ATF7: variants seen among roughly 807,000 people sequenced by gnomAD.
ATF7 encodes cyclic AMP-dependent transcription factor ATF-7.
ATF7 carries 10 observed loss-of-function variants against 50.4 expected under a neutral mutation model. That is an observed-to-expected ratio of 0.20 (90% CI 0.12 to 0.34). The LOEUF is 0.34. ATF7 is among the 10% of genes least tolerant of loss of function. ATF7 has a pLI of 1.00. For missense variants in ATF7, 465 were observed against 613.9 expected, an observed-to-expected ratio of 0.76 and a Z score of 2.56; for synonymous variants, 201 against 226.4, an observed-to-expected ratio of 0.89 and a Z score of 1.01.
At chr12:53,525,606 A>G (rs1938405059) in intron 9 of ATF7, among the ~76,000 whole-genome samples, 1 of 152,220 alleles carries the variant, frequency 6.6e-6, no homozygotes, top group African/African-American at 2.4e-5. Flanking sequence ...ATTTTTATTT[A>G]TAATCAGTTA....
intron 2 of ATF7, among the ~76,000 whole-genome samples, chr12:53,580,234 C>G (rs961721360): frequency 6.9e-6 from 1 of 144,122 alleles, no homozygotes; most frequent in African/African-American, 2.6e-5. Flanking sequence ...CCCGGCCTCA[C>G]AAACCTTTTA....
chr12:53,614,130 G>A (rs1944012957), intron 1 of ATF7, among the ~76,000 whole-genome samples: 1 of 152,104 alleles, frequency 6.6e-6, no homozygotes, highest in Non-Finnish European at 1.5e-5. Context: ...GCTTCATACA[G>A]GCAACTACTT....
chr12:53,578,265 T>C (rs1942207501), intron 2 of ATF7, among the ~76,000 whole-genome samples: 1 of 150,556 alleles, frequency 6.6e-6, no homozygotes, highest in Admixed American at 6.6e-5. Context: ...TCCTAGCTAT[T>C]TGGGAGGCTG....
chr12:53,588,868 A>C (rs1942830588), intron 2 of ATF7, among the ~76,000 whole-genome samples: 1 of 152,198 alleles, frequency 6.6e-6, no homozygotes, highest in African/African-American at 2.4e-5. Context: ...GCAGATAAAA[A>C]ACATTGTAGA....
chr12:53,595,180 G>A (rs865983050), intron 2 of ATF7, among the ~76,000 whole-genome samples: 9 of 152,246 alleles, frequency 5.9e-5, no homozygotes, highest in Non-Finnish European at 8.8e-5. Context: ...AAAACTCTTG[G>A]CAGAGGGTGG....
intron 6 of ATF7, among the ~76,000 whole-genome samples, chr12:53,533,575 A>G (rs1460140551): frequency 6.6e-6 from 1 of 152,216 alleles, no homozygotes; most frequent in Non-Finnish European, 1.5e-5. Flanking sequence ...GGGAAGTTGG[A>G]TCAAAGTCGT....
rs978543786 is a variant in ATF7, at chr12:53,516,880, C to T, written c.*257G>A. Reference sequence around the variant, plus strand: ...GATTGTTCGGACCATCTGGAAAGGCCTTTGGCTGTGGATGCATCAGAAACC... The same window carrying T: ...GATTGTTCGGACCATCTGGAAAGGCTTTTGGCTGTGGATGCATCAGAAACC... On this transcript the variant is annotated 3_prime_UTR_variant, in exon 12 of 12. Coordinates refer to ENST00000420353, the MANE Select transcript of ATF7 (RefSeq NM_006856.3). 1 of 538,294 alleles carries T rather than the reference C, an allele frequency of 1.9e-6. No individual in the cohort carries two copies. The highest frequency in any genetic ancestry group is 3.2e-5 in the East Asian group (1 of 30,834). The allele number at this position is 538,294 out of a possible 1,614,324, so 33.3% of individuals were successfully genotyped here.
rs551342701 is a variant in ATF7, at chr12:53,546,226, A to G, written c.146-2778T>C. ...AAACAAACAAACAAACAAACAAAAA[A>G]CAACCAACAAAAATTAACCGGTGTG... is the stretch of plus-strand genomic sequence containing the variant. On this transcript the variant is annotated intron_variant, in intron 3 of 11. Coordinates refer to ENST00000420353, the MANE Select transcript of ATF7 (RefSeq NM_006856.3). Among the ~76,000 whole-genome samples, 3 of 151,994 alleles carry G rather than the reference A, an allele frequency of 2.0e-5. 1 individual carries two copies. In the South Asian group the frequency reaches 6.3e-4, roughly 32 times the overall value.
intron 2 of ATF7, among the ~76,000 whole-genome samples, chr12:53,561,693 A>G (rs1941123778): frequency 6.6e-6 from 1 of 152,220 alleles, no homozygotes; most frequent in Non-Finnish European, 1.5e-5. Context: ...CTCTACTTCA[A>G]GATGTTTAGC....
intron 2 of ATF7, among the ~76,000 whole-genome samples, chr12:53,600,522 TAG>T (rs1943350205): frequency 6.6e-6 from 1 of 152,132 alleles, no homozygotes; most frequent in Admixed American, 6.5e-5. Flanking sequence ...GTATTTTTAG[TAG>T]AGATGGGGTT....
intron 2 of ATF7, among the ~76,000 whole-genome samples, chr12:53,576,561 C>T (rs1942077680): frequency 6.6e-6 from 1 of 152,186 alleles, no homozygotes; most frequent in Non-Finnish European, 1.5e-5. Context: ...CACAGAGCTC[C>T]TCTCCTCTGG....
Position 53,550,327 on chromosome 12 carries a change from AAAAAAAATAAAT to A in ATF7, c.145+2202_145+2213del, listed in dbSNP as rs1233834499. Among the ~76,000 whole-genome samples, 170 of 113,514 alleles carry A rather than the reference AAAAAAAATAAAT, an allele frequency of 1.5e-3. 5 individuals carry two copies. Among genetic ancestry groups the A allele is most frequent in the Middle Eastern group, 0.013 (3 of 240 alleles). 74.5% of individuals were successfully genotyped at this position (113,514 alleles called of 152,430 possible). A position where few individuals can be genotyped will look rare whatever the true frequency, so the allele number is the denominator to read the frequency against. On this transcript the variant is annotated intron_variant, in intron 3 of 11. Transcript: ENST00000420353. The stretch of plus-strand genomic sequence containing the variant: ...CAACAGAGTGAGACCCTGTCTCAAA[AAAAAAAATAAAT>A]AAATAAATAAATAAATAAATAAATA...
rs147872782 is a variant in ATF7 at position 53,523,042 on chromosome 12, T to C, written c.1234+234A>G. 2.9e-4 allele frequency: 123 copies of C among 421,582 alleles called. 1 individual carries two copies. The highest frequency in any genetic ancestry group is 2.7e-3 in the Middle Eastern group (4 of 1,500). 26.1% of individuals were successfully genotyped at this position (421,582 alleles called of 1,614,324 possible). A position where few individuals can be genotyped will look rare whatever the true frequency, so the allele number is the denominator to read the frequency against. On this transcript the variant is annotated intron_variant, in intron 11 of 11. Coordinates refer to ENST00000420353, the MANE Select transcript of ATF7 (RefSeq NM_006856.3). ...ACTGTAGCATGCCTAACACAAAATA[T>C]GCACCCGGTAAATATTGCTACCCTT... is the stretch of plus-strand genomic sequence containing the variant.
intron 1 of ATF7, among the ~76,000 whole-genome samples, chr12:53,616,564 CA>C (rs1441718184): frequency 1.3e-5 from 2 of 151,894 alleles, no homozygotes; most frequent in Non-Finnish European, 2.9e-5. Flanking sequence ...AGAAGAGATA[CA>C]ATATTGAAAA....
At position 53,596,463 on chromosome 12, in the gene ATF7, A is replaced by T. The variant is rs1228960560; in HGVS notation, c.48+4490T>A. 2.6e-5 allele frequency among the ~76,000 whole-genome samples: 4 copies of T among 152,212 alleles called. No individual in the cohort carries two copies. The East Asian group carries it at 7.7e-4, about 29-fold the overall frequency. On this transcript the variant is annotated intron_variant, in intron 2 of 11. Transcript: ENST00000420353. ...GAAATTGACATTCTGATAAGCTGATATGACCAGCTTCTGTTCAAACACTTG... is the reference window on the plus strand; with the variant it reads ...GAAATTGACATTCTGATAAGCTGATTTGACCAGCTTCTGTTCAAACACTTG...
intron 2 of ATF7, among the ~76,000 whole-genome samples, chr12:53,554,811 C>T (rs977564267): frequency 4.6e-5 from 6 of 130,272 alleles, no homozygotes; most frequent in African/African-American, 1.8e-4. Flanking sequence ...TGCAGTGAGC[C>T]GAGATCCCAC....
intron 11 of ATF7, among the ~76,000 whole-genome samples, chr12:53,522,246 C>T (rs1938167909): frequency 6.6e-6 from 1 of 152,200 alleles, no homozygotes; most frequent in East Asian, 1.9e-4. Context: ...TAGGCCAAGA[C>T]AGTATCTTTG....
At chr12:53,601,357 T>G (rs951124763) in intron 1 of ATF7, among the ~76,000 whole-genome samples, 1 of 152,202 alleles carries the variant, frequency 6.6e-6, no homozygotes, top group Non-Finnish European at 1.5e-5. Flanking sequence ...ATAAATTCAC[T>G]GAACGCTCGA....
chr12:53,611,065 C>T (rs1223710075), intron 1 of ATF7, among the ~76,000 whole-genome samples: 4 of 151,922 alleles, frequency 2.6e-5, no homozygotes, highest in African/African-American at 9.7e-5. Flanking sequence ...TGGGCTCAAG[C>T]GATCCTCCTG....
Sources: gnomAD v4.1 joint callset for allele counts (sites outside exome capture counted in the v4.1 genomes callset) on GRCh38, gnomAD v4.1.1 for gene constraint, MANE v1.5 for transcripts, NCBI Gene and HGNC (gene_info 2026-07-23, HGNC 2026-07-21) for gene names.